Variants in ANKS1B observed in about 807,000 individuals in gnomAD.
ANKS1B encodes the protein ankyrin repeat and sterile alpha motif domain containing 1B.
In ANKS1B, 36 loss-of-function variants were observed where a neutral mutation model predicts 148.3. The ratio of observed to expected loss-of-function variants is 0.24; its 90% confidence interval spans 0.19 to 0.32. The LOEUF (loss-of-function observed/expected upper bound fraction) is 0.32. Among genes scored for constraint, ANKS1B ranks in the 10% least tolerant of loss-of-function variants. ANKS1B has a pLI of 1.00. For missense variants in ANKS1B, 1,157 were observed against 1,542.6 expected, an observed-to-expected ratio of 0.75 and a Z score of 4.19; for synonymous variants, 542 against 560.8, an observed-to-expected ratio of 0.97 and a Z score of 0.47.
chr12:99,356,455 C>A (rs1318645581), intron 12 of ANKS1B, among the ~76,000 whole-genome samples: 1 of 152,106 alleles, frequency 6.6e-6, no homozygotes, highest in Non-Finnish European at 1.5e-5. Flanking sequence ...CACTGAGGAG[C>A]CTGCTGAGAG....
chr12:99,926,081 T>C (rs1230601042), intron 1 of ANKS1B, among the ~76,000 whole-genome samples: 1 of 152,236 alleles, frequency 6.6e-6, no homozygotes, highest in Non-Finnish European at 1.5e-5. Context: ...TTTTATAGAA[T>C]GATAAAGGGT....
intron 12 of ANKS1B, among the ~76,000 whole-genome samples, chr12:99,320,520 C>T (rs940610211): frequency 3.4e-4 from 51 of 152,150 alleles, no homozygotes; most frequent in African/African-American, 8.9e-4. Context: ...ATGTAGTTCT[C>T]GTGGCATGGT....
At chr12:99,110,500 A>G (rs1048312990) in intron 15 of ANKS1B, among the ~76,000 whole-genome samples, 1 of 152,190 alleles carries the variant, frequency 6.6e-6, no homozygotes, top group Admixed American at 6.5e-5. Context: ...TATATTTTGA[A>G]GAGTTCTAAA....
chr12:99,195,102 A>T (rs2081234071), intron 14 of ANKS1B, among the ~76,000 whole-genome samples: 1 of 152,126 alleles, frequency 6.6e-6, no homozygotes, highest in Admixed American at 6.6e-5. Flanking sequence ...TGTTTAACTG[A>T]TGTACTTTAT....
At chr12:99,146,755 G>A (rs930316677) in intron 15 of ANKS1B, among the ~76,000 whole-genome samples, 2 of 151,764 alleles carry the variant, frequency 1.3e-5, no homozygotes, top group Non-Finnish European at 2.9e-5. Flanking sequence ...GTCCTTCCTC[G>A]GTATCTGCTT....
chr12:98,867,386 C>G (rs57945485), intron 17 of ANKS1B, among the ~76,000 whole-genome samples: 1 of 152,176 alleles, frequency 6.6e-6, no homozygotes, highest in Non-Finnish European at 1.5e-5. Context: ...ATTTCCTACA[C>G]GTGACAACAA....
At chr12:98,941,372 A>G (rs2099836321) in intron 17 of ANKS1B, among the ~76,000 whole-genome samples, 1 of 152,190 alleles carries the variant, frequency 6.6e-6, no homozygotes, top group South Asian at 2.1e-4. Context: ...GCATATAAAT[A>G]TGAAAAATAT....
intron 17 of ANKS1B, chr12:98,893,533 T>C (rs570282868): frequency 6.6e-6 from 1 of 152,372 alleles, no homozygotes; most frequent in South Asian, 2.1e-4. Context: ...AAGTCTTAGG[T>C]TGTACCTAAA....
At chr12:99,069,500 A>AG (rs1157130771) in intron 16 of ANKS1B, among the ~76,000 whole-genome samples, 1 of 152,218 alleles carries the variant, frequency 6.6e-6, no homozygotes, top group African/African-American at 2.4e-5. Flanking sequence ...GAAGGGGTTG[A>AG]GGGTTAAAAC....
intron 12 of ANKS1B, among the ~76,000 whole-genome samples, chr12:99,373,004 T>G (rs2093222362): frequency 6.6e-6 from 1 of 152,188 alleles, no homozygotes; most frequent in South Asian, 2.1e-4. Context: ...AGCAAGTATC[T>G]TCCTCATAGA....
chr12:99,378,799 G>T (rs1270655774), intron 12 of ANKS1B, among the ~76,000 whole-genome samples: 1 of 152,056 alleles, frequency 6.6e-6, no homozygotes, highest in African/African-American at 2.4e-5. Flanking sequence ...TAACAATAAA[G>T]AAAAGATTAC....
intron 4 of ANKS1B, among the ~76,000 whole-genome samples, chr12:99,793,958 CA>C (rs1388407415): frequency 1.3e-5 from 2 of 151,734 alleles, no homozygotes; most frequent in African/African-American, 4.8e-5. Flanking sequence ...ATATAAGGAA[CA>C]AAAAAACTTT....
At chr12:99,743,404 T>C (rs2060301192) in intron 8 of ANKS1B, among the ~76,000 whole-genome samples, 1 of 152,224 alleles carries the variant, frequency 6.6e-6, no homozygotes, top group East Asian at 1.9e-4. Flanking sequence ...CCATTATGAA[T>C]ATATTTTTAC....
chr12:99,312,005 TAG>T (rs1194953301), intron 12 of ANKS1B, among the ~76,000 whole-genome samples: 4 of 152,140 alleles, frequency 2.6e-5, no homozygotes, highest in Non-Finnish European at 4.4e-5. Context: ...CGAGTTTTAT[TAG>T]AGAGTGTACT....
Position 98,819,587 on chromosome 12 carries a change from T to C in ANKS1B, c.3066+9587A>G, listed in dbSNP as rs183491857. Among the ~76,000 whole-genome samples, 7 of 152,362 alleles carry C rather than the reference T, an allele frequency of 4.6e-5. No homozygotes were observed. In the East Asian group the frequency reaches 1.3e-3, roughly 29 times the overall value. Reference sequence around the variant, plus strand: ...ACTAGACCTTTTCCAATCATGGGGCTGCCTTACAAAGAGCGGGCCAGCTTT... The same window carrying C: ...ACTAGACCTTTTCCAATCATGGGGCCGCCTTACAAAGAGCGGGCCAGCTTT... On this transcript the variant is annotated intron_variant, in intron 19 of 26. Coordinates refer to ENST00000683438, the MANE Select transcript of ANKS1B (RefSeq NM_001352186.2).
intron 9 of ANKS1B, among the ~76,000 whole-genome samples, chr12:99,525,222 T>G (rs1434189706): frequency 6.6e-6 from 1 of 152,142 alleles, no homozygotes; most frequent in African/African-American, 2.4e-5. Context: ...GAGAAGGACA[T>G]AAAATTGGAC....
intron 17 of ANKS1B, chr12:98,949,633 T>C (rs2099851116): frequency 6.6e-6 from 1 of 152,166 alleles, no homozygotes; most frequent in African/African-American, 2.4e-5. Context: ...TTTGACTCTA[T>C]AAAAACTCTC....
chr12:99,079,866 T>A (rs1054940251), intron 16 of ANKS1B: 1 of 152,068 alleles, frequency 6.6e-6, no homozygotes, highest in Non-Finnish European at 1.5e-5. Flanking sequence ...TGGCACAGAA[T>A]AGACTCGCTC....
chr12:99,297,754 C>T (rs917113250), intron 12 of ANKS1B, among the ~76,000 whole-genome samples: 31 of 152,090 alleles, frequency 2.0e-4, no homozygotes, highest in Non-Finnish European at 7.4e-5. Context: ...CAGGCAACTC[C>T]AGATCTAGTG....
Sources: gnomAD v4.1 joint callset for allele counts (sites outside exome capture counted in the v4.1 genomes callset) on GRCh38, gnomAD v4.1.1 for gene constraint, MANE v1.5 for transcripts, NCBI Gene and HGNC (gene_info 2026-07-23, HGNC 2026-07-21) for gene names.